Variants in FBXL20 observed in about 807,000 individuals in gnomAD.
The protein encoded by FBXL20 is F-box and leucine rich repeat protein 20.
In FBXL20, 11 loss-of-function variants were observed where a neutral mutation model predicts 64.0. The observed-to-expected ratio is 0.17, with a 90% confidence interval of 0.11 to 0.28. The LOEUF is 0.28. Ranked by LOEUF, FBXL20 falls within the 10% of genes least tolerant of loss-of-function variation. FBXL20 has a pLI of 1.00. For missense variants in FBXL20, 303 were observed against 526.2 expected (o/e 0.58, Z 4.15); for synonymous variants, 184 against 189.0 (o/e 0.97, Z 0.22).
intron 2 of FBXL20, among the ~76,000 whole-genome samples, chr17:39,304,914 GCCCGGGTAATTTTT>G (rs1358855243): frequency 6.6e-6 from 1 of 151,886 alleles, no homozygotes; most frequent in African/African-American, 2.4e-5. Flanking sequence ...CCACTACCAC[GCCCGGGTAATTTTT>G]GTGTTTTTAG....
At chr17:39,360,121 C>G (rs1339873877) in intron 1 of FBXL20, among the ~76,000 whole-genome samples, 1 of 152,038 alleles carries the variant, frequency 6.6e-6, no homozygotes, top group African/African-American at 2.4e-5. Flanking sequence ...ACCCTGAAGA[C>G]ATTATGCTAA....
At chr17:39,358,589 G>A (rs2047764288) in intron 1 of FBXL20, among the ~76,000 whole-genome samples, 1 of 152,098 alleles carries the variant, frequency 6.6e-6, no homozygotes, top group Admixed American at 6.5e-5. Context: ...GGCTAAGGCA[G>A]GAGAATCACT....
chr17:39,332,025 C>T (rs913928682), intron 2 of FBXL20, among the ~76,000 whole-genome samples: 1 of 152,134 alleles, frequency 6.6e-6, no homozygotes, highest in Non-Finnish European at 1.5e-5. Context: ...TACTATGTGC[C>T]GAGCATTGTG....
In FBXL20 at chr17:39,315,868, A is replaced by AGAGAGAGAGC. The variant is rs368094288; in HGVS notation, c.105-12230_105-12229insGCTCTCTCTC. 1.3e-3 allele frequency among the ~76,000 whole-genome samples: 186 copies of AGAGAGAGAGC among 144,578 alleles called. 2 individuals are homozygous for AGAGAGAGAGC. The highest frequency in any genetic ancestry group is 9.6e-3 in the South Asian group (44 of 4,606). 94.8% of individuals were successfully genotyped at this position (144,578 alleles called of 152,430 possible). A position where few individuals can be genotyped will look rare whatever the true frequency, so the allele number is the denominator to read the frequency against. On this transcript the variant is annotated intron_variant, in intron 2 of 14. Coordinates refer to ENST00000264658, the MANE Select transcript of FBXL20 (RefSeq NM_032875.3). ...GAGAGAGAGAGAGAGAGAGAGAGAG[A>AGAGAGAGAGC]GAGCAACTGTAGAGCGAAATTGGTT...
chr17:39,384,064 T>A (rs1038885816), intron 1 of FBXL20, among the ~76,000 whole-genome samples: 1 of 151,612 alleles, frequency 6.6e-6, no homozygotes, highest in Admixed American at 6.6e-5. Context: ...GGAGACTCCA[T>A]CTCTACAAAA....
At chr17:39,316,109 A>G (rs1008699289) in intron 2 of FBXL20, among the ~76,000 whole-genome samples, 2 of 152,102 alleles carry the variant, frequency 1.3e-5, no homozygotes, top group Non-Finnish European at 2.9e-5. Context: ...ATGAACCACA[A>G]CAGAAGTTAG....
intron 2 of FBXL20, among the ~76,000 whole-genome samples, chr17:39,326,946 T>C (rs2047415010): frequency 6.7e-6 from 1 of 150,060 alleles, no homozygotes; most frequent in Non-Finnish European, 1.5e-5. Flanking sequence ...CAGTGGAGCA[T>C]CTTGGCTCAC....
chr17:39,269,011 T>G, intron 11 of FBXL20, 140 bp from the exon 12 acceptor site: 1 of 728,966 alleles, frequency 1.4e-6, no homozygotes, highest in South Asian at 1.8e-5. Flanking sequence ...TCATGCTAAT[T>G]TTTTTTTCTT....
intron 2 of FBXL20, among the ~76,000 whole-genome samples, chr17:39,324,963 G>C (rs2047396733): frequency 6.6e-6 from 1 of 152,170 alleles, no homozygotes; most frequent in Admixed American, 6.6e-5. Flanking sequence ...TAGCACTTTG[G>C]GAAGTGCCAA....
At chr17:39,305,905 T>C (rs1200965459) in intron 2 of FBXL20, among the ~76,000 whole-genome samples, 1 of 151,828 alleles carries the variant, frequency 6.6e-6, no homozygotes, top group Non-Finnish European at 1.5e-5. Flanking sequence ...AAGAATCGCT[T>C]GAACCTGGGA....
At chr17:39,395,698 C>T (rs1048904263) in intron 1 of FBXL20, among the ~76,000 whole-genome samples, 6 of 152,188 alleles carry the variant, frequency 3.9e-5, no homozygotes, top group Non-Finnish European at 2.9e-5. Flanking sequence ...TTTTCACATG[C>T]ACCAATTTGG....
chr17:39,288,425 T>C (rs2047008149), intron 6 of FBXL20, among the ~76,000 whole-genome samples: 1 of 152,200 alleles, frequency 6.6e-6, no homozygotes, highest in Non-Finnish European at 1.5e-5. Context: ...ATTAGATATA[T>C]GACCTGCAAA....
At chr17:39,298,903 G>T in intron 5 of FBXL20, 87 bp downstream of exon 5, 2 of 1,016,086 alleles carry the variant, frequency 2.0e-6, no homozygotes, top group Non-Finnish European at 1.5e-6. Flanking sequence ...AATAACTTAG[G>T]AATTTTAACG....
rs1395565447 is a variant in FBXL20 at position 39,275,045 on chromosome 17, G to T, written c.752C>A (p.Ser251Tyr). 6.2e-7 allele frequency: 1 copy of T among 1,614,032 alleles called. No individual in the cohort carries two copies. Among genetic ancestry groups the T allele is most frequent in the South Asian group, 1.1e-5 (1 of 91,060 alleles). The change falls in exon 10 of 15, where the codon TCC becomes TAC. Residue 251 changes from serine to tyrosine, a missense_variant. By Grantham distance (144) the Ser-to-Tyr change is moderately radical (BLOSUM62 -2). Coordinates refer to ENST00000264658, the MANE Select transcript of FBXL20 (RefSeq NM_032875.3). Reference protein sequence around the residue: ...TICRGCHKLQSLCASGCSNIT... With the variant: ...TICRGCHKLQYLCASGCSNIT... ...GTTGGAGCAGCCAGAGGCACAAAGG[G>T]ATTGTAACTTATGGCACCCTCTGCA...
At chr17:39,278,085 G>A (rs1298640993) in intron 9 of FBXL20, among the ~76,000 whole-genome samples, 1 of 152,166 alleles carries the variant, frequency 6.6e-6, no homozygotes, top group East Asian at 1.9e-4. Flanking sequence ...TGTATGTAAT[G>A]TGTATGTATA....
intron 12 of FBXL20, among the ~76,000 whole-genome samples, chr17:39,266,980 T>C (rs980801021): frequency 1.3e-5 from 2 of 151,480 alleles, no homozygotes; most frequent in African/African-American, 4.9e-5. Flanking sequence ...GGGCCAGACA[T>C]GGTAGTTCAC....
At chr17:39,273,326 T>C (rs1374674335) in intron 10 of FBXL20, among the ~76,000 whole-genome samples, 1 of 152,168 alleles carries the variant, frequency 6.6e-6, no homozygotes, top group Non-Finnish European at 1.5e-5. Context: ...ACAAAAGTTC[T>C]TTCAACAATT....
At chr17:39,310,070 T>C (rs1402552485) in intron 2 of FBXL20, among the ~76,000 whole-genome samples, 1 of 151,038 alleles carries the variant, frequency 6.6e-6, no homozygotes, top group African/African-American at 2.4e-5. Flanking sequence ...GGAGGATTGT[T>C]TGAATCAAGG....
At chr17:39,397,513 A>G (rs1437579380) in intron 1 of FBXL20, among the ~76,000 whole-genome samples, 2 of 152,180 alleles carry the variant, frequency 1.3e-5, no homozygotes, top group Non-Finnish European at 2.9e-5. Context: ...CTCCAACAGT[A>G]CTACATCCTC....
Sources: allele counts gnomAD v4.1 joint callset (sites outside exome capture counted in the v4.1 genomes callset), GRCh38; gene constraint gnomAD v4.1.1; transcripts MANE v1.5; gene names NCBI Gene and HGNC (gene_info 2026-07-23, HGNC 2026-07-21).